Variants in FAM161A observed in about 807,000 individuals in gnomAD.
FAM161A encodes the protein FAM161 centrosomal protein A, also known as protein FAM161A.
Under a neutral mutation model 70.9 loss-of-function variants are expected in FAM161A, and 57 were observed. The observed-to-expected ratio is 0.80, with a 90% confidence interval of 0.65 to 1.00. The LOEUF is 1.00. FAM161A is among the 50% of genes least tolerant of loss of function. The pLI is 0.00. For missense variants in FAM161A, 880 were observed against 836.0 expected (o/e 1.05, Z -0.65); for synonymous variants, 299 against 295.7 (o/e 1.01, Z -0.12).
the FAM161A span, among the ~76,000 whole-genome samples, chr2:61,807,284 C>A: frequency 6.8e-6 from 1 of 146,412 alleles, no homozygotes; most frequent in African/African-American, 2.5e-5. Context: ...CCAACTTGAG[C>A]AAATAAAGAG....
downstream of FAM161A, among the ~76,000 whole-genome samples, chr2:61,819,936 T>C (rs1181226907): frequency 6.6e-6 from 1 of 152,204 alleles, no homozygotes; most frequent in Non-Finnish European, 1.5e-5. Flanking sequence ...TAATGTCTTA[T>C]TTTGCATTTT....
chr2:61,841,792 A>C (rs755118224), intron 2 of FAM161A, among the ~76,000 whole-genome samples: 7 of 152,228 alleles, frequency 4.6e-5, no homozygotes, highest in Middle Eastern at 3.2e-3. Flanking sequence ...TAATGAGCTC[A>C]TGTTAATCCA....
At chr2:61,852,520 T>C (rs1356858959) in intron 1 of FAM161A, among the ~76,000 whole-genome samples, 5 of 152,102 alleles carry the variant, frequency 3.3e-5, no homozygotes, top group African/African-American at 7.2e-5. Flanking sequence ...TTTAAGGAAA[T>C]TATGTCCTAA....
Position 61,836,111 on chromosome 2 carries a change from T to C in FAM161A, c.1752-2A>G. On this transcript the variant is annotated splice_acceptor_variant, in intron 4 of 6. Coordinates refer to ENST00000404929, the MANE Select transcript of FAM161A (RefSeq NM_001201543.2). LOFTEE classifies it high-confidence loss of function. ...CTCATCCTTTCCTTTTCGCTCTTTCTAAAATTAAAGAAAAGCAATGGAATT... is the reference window on the plus strand; with the variant it reads ...CTCATCCTTTCCTTTTCGCTCTTTCCAAAATTAAAGAAAAGCAATGGAATT... 6.3e-7 allele frequency: 1 copy of C among 1,596,002 alleles called. No homozygotes were observed. Among genetic ancestry groups the C allele is most frequent in the Non-Finnish European group, 8.6e-7 (1 of 1,166,774 alleles).
chr2:61,827,714 T>A (rs1420132552), intron 5 of FAM161A, among the ~76,000 whole-genome samples: 2 of 151,006 alleles, frequency 1.3e-5, no homozygotes, highest in African/African-American at 4.9e-5. Flanking sequence ...ACAATTACAC[T>A]CCTAGGAATA....
chr2:61,849,658 A>C (rs1673427545), intron 1 of FAM161A, among the ~76,000 whole-genome samples: 1 of 151,094 alleles, frequency 6.6e-6, no homozygotes, highest in Admixed American at 6.6e-5. Context: ...GGTGGTGTGC[A>C]CCTGTAGTCC....
chr2:61,823,428 G>T (rs1269774557), downstream of FAM161A, among the ~76,000 whole-genome samples: 2 of 148,340 alleles, frequency 1.3e-5, no homozygotes, highest in African/African-American at 5.0e-5. Flanking sequence ...GGAGTGGTGT[G>T]ATCAGGGCTC....
In FAM161A at chr2:61,826,411, CGCT is replaced by C. The variant is rs72380346; in HGVS notation, c.*41_*43del. 0.18 allele frequency: 291,188 copies of C among 1,604,100 alleles called. 29,026 individuals are homozygous for C. Among genetic ancestry groups the C allele is most frequent in the Non-Finnish European group, 0.21 (243,850 of 1,173,006 alleles). ...ACAAATGCGGCTGCTGACACCCTGA[CGCT>C]GCAAACAACAGCAAGGGCATAGAGA... On this transcript the variant is annotated 3_prime_UTR_variant, in exon 7 of 7. Coordinates refer to ENST00000404929, the MANE Select transcript of FAM161A (RefSeq NM_001201543.2).
intron 4 of FAM161A, 129 bp downstream of exon 4, chr2:61,838,409 T>C: frequency 5.1e-6 from 4 of 784,596 alleles, no homozygotes; most frequent in South Asian, 3.8e-5. Flanking sequence ...AAGTAACTGA[T>C]GACAATTTAA....
At chr2:61,801,559 G>GT in the FAM161A span, among the ~76,000 whole-genome samples, 2 of 141,080 alleles carry the variant, frequency 1.4e-5, no homozygotes, top group East Asian at 2.0e-4. Context: ...ATGTTTTTTG[G>GT]TTTTTTTGGT....
At chr2:61,851,670 A>G (rs987313582) in intron 1 of FAM161A, among the ~76,000 whole-genome samples, 46 of 152,146 alleles carry the variant, frequency 3.0e-4, no homozygotes, top group African/African-American at 1.0e-3. Context: ...CAGTCATATA[A>G]CAGGATATGT....
chr2:61,806,680 C>CTTTTTTTTTTTTTTTTTTTTTTTTT, the FAM161A span, among the ~76,000 whole-genome samples: 2 of 61,568 alleles, frequency 3.2e-5, no homozygotes, highest in Admixed American at 2.0e-4. Context: ...CTTTCCACGT[C>CTTTTTTTTTTTTTTTTTTTTTTTTT]TTTTTTTTTT....
the FAM161A span, among the ~76,000 whole-genome samples, chr2:61,816,159 T>C: frequency 1.3e-5 from 2 of 152,134 alleles, no homozygotes; most frequent in African/African-American, 4.8e-5. Context: ...CTTTCTCCCA[T>C]AGCATAAACT....
the FAM161A span, among the ~76,000 whole-genome samples, chr2:61,809,619 T>C: frequency 2.6e-5 from 4 of 152,164 alleles, no homozygotes; most frequent in East Asian, 3.9e-4. Flanking sequence ...TTGGGGGAGA[T>C]GGGTAGGTTG....
At chr2:61,816,700 G>GCC in the FAM161A span, among the ~76,000 whole-genome samples, 4 of 152,096 alleles carry the variant, frequency 2.6e-5, no homozygotes, top group Non-Finnish European at 5.9e-5. Context: ...CGAACTCCTG[G>GCC]ACATGATCTT....
the FAM161A span, among the ~76,000 whole-genome samples, chr2:61,814,929 C>G: frequency 6.6e-6 from 1 of 152,172 alleles, no homozygotes; most frequent in Non-Finnish European, 1.5e-5. Flanking sequence ...CTGCCACTCT[C>G]AGAGTGAGGT....
chr2:61,836,814 T>A (rs922169926), intron 4 of FAM161A: 10 of 225,660 alleles, frequency 4.4e-5, no homozygotes, highest in Non-Finnish European at 8.9e-5. Context: ...CCTCAGGTGA[T>A]CTGCCTGTCT....
chr2:61,826,606 G>A lies in FAM161A; in HGVS notation c.2007-7C>T, dbSNP rs1248534451. ...TTTTTCTTCTTCATTAAAGCTAGGG[G>A]AAGAAATTTATCAATCTTTCAAAGG... On this transcript the variant is annotated splice_region_variant and splice_polypyrimidine_tract_variant and intron_variant, in intron 6 of 6. Coordinates refer to ENST00000404929, the MANE Select transcript of FAM161A (RefSeq NM_001201543.2). 1 of 1,599,478 alleles carries A rather than the reference G, an allele frequency of 6.3e-7. No homozygotes were observed. Among genetic ancestry groups the A allele is most frequent in the Non-Finnish European group, 8.5e-7 (1 of 1,169,814 alleles).
intron 5 of FAM161A, among the ~76,000 whole-genome samples, chr2:61,827,819 C>T (rs1333562323): frequency 6.6e-6 from 1 of 152,076 alleles, no homozygotes; most frequent in Non-Finnish European, 1.5e-5. Context: ...AATGGGAAAT[C>T]ACCCAAATAT....
Sources: gnomAD v4.1 joint callset for allele counts (sites outside exome capture counted in the v4.1 genomes callset) on GRCh38, gnomAD v4.1.1 for gene constraint, MANE v1.5 for transcripts, NCBI Gene and HGNC (gene_info 2026-07-23, HGNC 2026-07-21) for gene names.